The following ADAMTS19 variants were observed in gnomAD, a reference collection of about 807,000 sequenced individuals.
ADAMTS19 encodes A disintegrin and metalloproteinase with thrombospondin motifs 19.
In ADAMTS19, 93 loss-of-function variants were observed where a neutral mutation model predicts 153.3. That is an observed-to-expected ratio of 0.61 (90% CI 0.51 to 0.72). The LOEUF (loss-of-function observed/expected upper bound fraction) is 0.72, where lower values mean the gene tolerates loss of function less well. Ranked by LOEUF, ADAMTS19 falls within the 30% of genes least tolerant of loss-of-function variation. ADAMTS19 has a pLI of 0.00. For synonymous variants in ADAMTS19, 600 were observed against 556.6 expected (o/e 1.08, Z -1.10); for missense variants, 1,482 against 1,552.1 (o/e 0.95, Z 0.76).
chr5:129,609,755 G>A (rs1157160630), intron 8 of ADAMTS19, among the ~76,000 whole-genome samples: 1 of 152,070 alleles, frequency 6.6e-6, no homozygotes, highest in Non-Finnish European at 1.5e-5. Flanking sequence ...AGTGGAAGAC[G>A]GAAAAAAATC....
chr5:129,555,398 TCTG>T, intron 7 of ADAMTS19, among the ~76,000 whole-genome samples: 1 of 152,128 alleles, frequency 6.6e-6, no homozygotes, highest in Non-Finnish European at 1.5e-5. Flanking sequence ...TCCCTCAAAA[TCTG>T]AACTCCCTAG....
intron 6 of ADAMTS19, among the ~76,000 whole-genome samples, chr5:129,548,663 A>G (rs988339209): frequency 2.2e-4 from 33 of 152,078 alleles, no homozygotes; most frequent in African/African-American, 7.5e-4. Context: ...TGACCCAGCC[A>G]TCCCATTACT....
chr5:129,561,279 G>A (rs552457336), intron 7 of ADAMTS19, among the ~76,000 whole-genome samples: 14 of 152,280 alleles, frequency 9.2e-5, no homozygotes, highest in African/African-American at 3.4e-4. Flanking sequence ...CGGTTGACCT[G>A]TATGAGGAAA....
At chr5:129,715,839 G>A (rs1756700003) in intron 21 of ADAMTS19, among the ~76,000 whole-genome samples, 1 of 152,150 alleles carries the variant, frequency 6.6e-6, no homozygotes, top group Non-Finnish European at 1.5e-5. Flanking sequence ...GATGGAAATA[G>A]AAATTTCTGA....
chr5:129,617,662 A>G (rs1751593197), intron 8 of ADAMTS19, among the ~76,000 whole-genome samples: 1 of 152,014 alleles, frequency 6.6e-6, no homozygotes, highest in African/African-American at 2.4e-5. Context: ...GGCAGAGAGG[A>G]GACAGGACAC....
At position 129,461,637 on chromosome 5, in the gene ADAMTS19, C is replaced by G. The variant is rs1749671988; in HGVS notation, c.627C>G (p.Pro209=). The G allele has an allele frequency of 6.3e-7, 1 of 1,594,224 alleles. No individual in the cohort carries two copies. The highest frequency in any genetic ancestry group is 2.3e-5 in the East Asian group (1 of 43,652). The change falls in exon 2 of 23, where the codon CCC becomes CCG. Residue 209 remains proline, a synonymous_variant. Coordinates refer to ENST00000274487, the MANE Select transcript of ADAMTS19 (RefSeq NM_133638.6). The surrounding 1 kb of genome is among the most constrained non-coding windows in gnomAD (Gnocchi z 4.6). The part of the protein sequence containing the change: ...VEQRPNPGPG[P]TGAASAPQPP... ...AGCGGCCAAATCCCGGCCCCGGCCC[C>G]ACGGGGGCAGCATCCGCCCCGCAAC...
At chr5:129,633,013 C>T (rs965694639) in intron 10 of ADAMTS19, among the ~76,000 whole-genome samples, 2 of 151,032 alleles carry the variant, frequency 1.3e-5, no homozygotes, top group Non-Finnish European at 2.9e-5. Flanking sequence ...AGAATAGTTA[C>T]ACACATTAAT....
At chr5:129,539,841 TTG>T (rs536243157) in intron 6 of ADAMTS19, among the ~76,000 whole-genome samples, 59 of 152,220 alleles carry the variant, frequency 3.9e-4, no homozygotes, top group Non-Finnish European at 8.2e-4. Context: ...CTTTACTCAC[TTG>T]TGGGACAAGG....
chr5:129,606,405 A>C (rs998184499), intron 8 of ADAMTS19, among the ~76,000 whole-genome samples: 1 of 152,118 alleles, frequency 6.6e-6, no homozygotes, highest in African/African-American at 2.4e-5. Flanking sequence ...TACTTCCATA[A>C]TCTGTGGCCA....
At chr5:129,677,196 C>T (rs1754588349) in intron 16 of ADAMTS19, among the ~76,000 whole-genome samples, 1 of 152,116 alleles carries the variant, frequency 6.6e-6, no homozygotes, top group African/African-American at 2.4e-5. Flanking sequence ...GTAGATTGGG[C>T]CCAGCACAGT....
intron 2 of ADAMTS19, among the ~76,000 whole-genome samples, chr5:129,489,228 C>T (rs542941119): frequency 6.6e-6 from 1 of 152,186 alleles, no homozygotes; most frequent in African/African-American, 2.4e-5. Context: ...GTGTTTTGTA[C>T]ATAATAGTTG....
At chr5:129,629,964 C>T (rs1752215786) in intron 10 of ADAMTS19, among the ~76,000 whole-genome samples, 2 of 152,016 alleles carry the variant, frequency 1.3e-5, no homozygotes, top group East Asian at 3.9e-4. Flanking sequence ...AAACTGAAGA[C>T]CTCCAGGAAA....
At chr5:129,696,134 A>C (rs1755540784) in intron 19 of ADAMTS19, among the ~76,000 whole-genome samples, 1 of 152,182 alleles carries the variant, frequency 6.6e-6, no homozygotes, top group African/African-American at 2.4e-5. Flanking sequence ...AGGAAAAGTC[A>C]ATTACTAAAG....
At chr5:129,622,464 G>A in intron 10 of ADAMTS19, 116 bp downstream of exon 10, 1 of 1,169,106 alleles carries the variant, frequency 8.6e-7, no homozygotes, top group Non-Finnish European at 1.2e-6. Context: ...ATATATAAAA[G>A]AAGGATTTTC....
intron 6 of ADAMTS19, among the ~76,000 whole-genome samples, chr5:129,536,217 A>G (rs1390410730): frequency 6.6e-6 from 1 of 152,242 alleles, no homozygotes; most frequent in Admixed American, 6.5e-5. Flanking sequence ...ATTTACAAGA[A>G]AAAAACAAAC....
At chr5:129,618,897 A>AT (rs1284519446) in intron 8 of ADAMTS19, among the ~76,000 whole-genome samples, 5 of 151,880 alleles carry the variant, frequency 3.3e-5, no homozygotes, top group Non-Finnish European at 5.9e-5. Context: ...AGACTATATA[A>AT]TTTTTTTTCT....
intron 7 of ADAMTS19, among the ~76,000 whole-genome samples, chr5:129,559,109 C>T (rs949429984): frequency 6.6e-6 from 1 of 151,982 alleles, no homozygotes; most frequent in African/African-American, 2.4e-5. Context: ...GATTTCAAGA[C>T]ATACCATTAC....
At position 129,643,158 on chromosome 5, in the gene ADAMTS19, C is replaced by T. The variant is rs1027632685; in HGVS notation, c.1872+1198C>T. On this transcript the variant is annotated intron_variant, in intron 11 of 22. Transcript: ENST00000274487. The stretch of plus-strand genomic sequence containing the variant: ...CAGTGTGTATACAGATGTGAATACA[C>T]ACACAAAAGCACACACACACACACA... 4.1e-5 allele frequency among the ~76,000 whole-genome samples: 6 copies of T among 147,638 alleles called. No homozygotes were observed. The East Asian group carries it at 9.7e-4, about 24-fold the overall frequency.
chr5:129,690,622 G>A (rs1301139273), intron 18 of ADAMTS19, among the ~76,000 whole-genome samples: 1 of 152,046 alleles, frequency 6.6e-6, no homozygotes, highest in Non-Finnish European at 1.5e-5. Context: ...AGGATAAAAA[G>A]TAAATGGCAT....
Sources: gnomAD v4.1 joint callset for allele counts (sites outside exome capture counted in the v4.1 genomes callset) on GRCh38, gnomAD v4.1.1 for gene constraint, Gnocchi (gnomAD v3.1) non-coding constraint, MANE v1.5 for transcripts, NCBI Gene and HGNC (gene_info 2026-07-23, HGNC 2026-07-21) for gene names.